EPB41L1: variants seen among roughly 807,000 people sequenced by gnomAD.
EPB41L1 encodes the protein band 4.1-like protein 1.
A neutral mutation model predicts 97.8 loss-of-function variants in EPB41L1; 29 were observed. That is an observed-to-expected ratio of 0.30 (90% CI 0.22 to 0.40). The LOEUF is 0.40. Among genes scored for constraint, EPB41L1 ranks in the 10% least tolerant of loss-of-function variants. The pLI is 1.00. For missense variants in EPB41L1, 812 were observed against 1,162.3 expected (o/e 0.70, Z 4.38); for synonymous variants, 383 against 459.2 (o/e 0.83, Z 2.12).
chr20:36,157,068 A>T (rs2060335279), intron 1 of EPB41L1, among the ~76,000 whole-genome samples: 1 of 152,208 alleles, frequency 6.6e-6, no homozygotes, highest in African/African-American at 2.4e-5. Flanking sequence ...TACTAAAAAT[A>T]CAAAAATTAG....
intron 2 of EPB41L1, among the ~76,000 whole-genome samples, chr20:36,122,518 C>T (rs1477207910): frequency 6.6e-6 from 1 of 152,242 alleles, no homozygotes. Context: ...CTACTCAGCT[C>T]TGGCACAGAG....
intron 14 of EPB41L1, among the ~76,000 whole-genome samples, chr20:36,208,839 C>T (rs1335898945): frequency 6.6e-6 from 1 of 152,196 alleles, no homozygotes; most frequent in Non-Finnish European, 1.5e-5. Context: ...TACTCCCTGA[C>T]TTGCCTGTGG....
intron 2 of EPB41L1, among the ~76,000 whole-genome samples, chr20:36,123,398 T>C (rs1260720221): frequency 3.3e-5 from 5 of 152,172 alleles, no homozygotes; most frequent in Non-Finnish European, 7.3e-5. Flanking sequence ...ACACATGTCT[T>C]CCAGATCACA....
intron 1 of EPB41L1, among the ~76,000 whole-genome samples, chr20:36,106,463 T>C (rs1019847786): frequency 2.0e-5 from 3 of 152,194 alleles, no homozygotes; most frequent in Admixed American, 1.3e-4. Context: ...GTGACTTACC[T>C]CTGTGAGCCA....
At chr20:36,159,495 G>A (rs998270912) in intron 1 of EPB41L1, among the ~76,000 whole-genome samples, 1 of 152,210 alleles carries the variant, frequency 6.6e-6, no homozygotes, top group Non-Finnish European at 1.5e-5. Flanking sequence ...AGGTGGGGCC[G>A]GGGCTAGATC....
At position 36,190,683 on chromosome 20, in the gene EPB41L1, A is replaced by G. The variant is rs202155923; in HGVS notation, c.1186A>G (p.Ser396Gly). 6.8e-5 allele frequency: 109 copies of G among 1,613,942 alleles called. No homozygotes were observed. The highest frequency in any genetic ancestry group is 9.0e-5 in the Non-Finnish European group (106 of 1,180,010). Residue 396 changes from serine (S) to glycine (G), a missense_variant, in exon 11 of 22, where the codon AGT becomes GGT. Physicochemically the swap from Ser to Gly is moderately conservative, Grantham distance 56. This residue lies in a region of EPB41L1 where 230 missense variants were observed against 445.2 expected (regional missense o/e 0.52). Coordinates refer to ENST00000338074, the MANE Select transcript of EPB41L1 (RefSeq NM_012156.2). This position sits in a 1 kb window ranked among gnomAD's most constrained non-coding sequence, Gnocchi z 5.8. ...GGTGATGGGCTCCAAGTTCCGGTAC[A>G]GTGGGAGGACCCAGGCACAGACTCG... Reference protein sequence around the residue: ...FLVMGSKFRYSGRTQAQTRQA... With the variant: ...FLVMGSKFRYGGRTQAQTRQA...
In EPB41L1 at chr20:36,209,536, C is replaced by T; in HGVS notation, c.1717C>T (p.Pro573Ser). The T allele has an allele frequency of 6.2e-7, 1 of 1,614,020 alleles. No individual in the cohort carries two copies. The highest frequency in any genetic ancestry group is 8.5e-7 in the Non-Finnish European group (1 of 1,179,980). ...GSEEKVKPPR[P>S]RAPESDTGDE... ...CGAGGAGAAAGTCAAACCACCACGT[C>T]CCCGGGCCCCAGAGAGTGACACAGG... The change falls in exon 15 of 22, where the codon CCC (proline) becomes TCC (serine). Residue 573 changes from proline to serine, a missense_variant. By Grantham distance (74) the Pro-to-Ser change is moderately conservative. Transcript: ENST00000338074. This position sits in a 1 kb window ranked among gnomAD's most constrained non-coding sequence, Gnocchi z 4.2.
At chr20:36,139,161 A>T (rs2059538700) in intron 2 of EPB41L1, among the ~76,000 whole-genome samples, 1 of 152,216 alleles carries the variant, frequency 6.6e-6, no homozygotes, top group Non-Finnish European at 1.5e-5. Context: ...CTGTACCCCC[A>T]GAGAGGCAGT....
intron 2 of EPB41L1, among the ~76,000 whole-genome samples, chr20:36,131,842 C>T (rs1032812968): frequency 9.9e-5 from 15 of 152,096 alleles, no homozygotes; most frequent in African/African-American, 2.9e-4. Context: ...TGGTTTATGG[C>T]GTAGGTGGCC....
chr20:36,197,864 A>C lies in EPB41L1; in HGVS notation c.1491A>C (p.Leu497Phe). 2 of 1,614,070 alleles carry C rather than the reference A, an allele frequency of 1.2e-6. No homozygotes were observed. Among genetic ancestry groups the C allele is most frequent in the Non-Finnish European group, 1.7e-6 (2 of 1,180,008 alleles). ...CCCTCTCCATCTATCCCTAGTTCTT[A>C]GACAAGCCAGAAGATGTCTTGCTGA... ...ETTPRHKQEF[L>F]DKPEDVLLKH... Residue 497 changes from leucine (L) to phenylalanine (F), a missense_variant, in exon 14 of 22, where the codon TTA (leucine) becomes TTC (phenylalanine). Physicochemically the swap from Leu to Phe is conservative, Grantham distance 22 (BLOSUM62 0). Around this residue, in one of 3 missense-constraint regions of EPB41L1, gnomAD observed 498 missense variants for 622.7 expected, o/e 0.80. Coordinates refer to ENST00000338074, the MANE Select transcript of EPB41L1 (RefSeq NM_012156.2).
intron 1 of EPB41L1, chr20:36,155,104 G>C (rs757671950): frequency 7.8e-6 from 4 of 515,038 alleles, no homozygotes; most frequent in South Asian, 6.1e-5. Flanking sequence ...AGGATCCGGA[G>C]GCTGGGGGTT....
chr20:36,206,958 G>A lies in EPB41L1; in HGVS notation c.1669-2530G>A, dbSNP rs1011286247. ...GGGCCATCCCTCTGAATGTCAGGAA[G>A]CCAGTCAAACCAGACAGAGGCAACT... is the stretch of plus-strand genomic sequence containing the variant. On this transcript the variant is annotated intron_variant, in intron 14 of 21. Transcript: ENST00000338074. This position sits in a 1 kb window ranked among gnomAD's most constrained non-coding sequence, Gnocchi z 5.5. The A allele has an allele frequency of 3.1e-6, 4 of 1,289,994 alleles. No individual in the cohort carries two copies. The highest frequency in any genetic ancestry group is 3.0e-6 in the Non-Finnish European group (3 of 988,904). 79.9% of individuals were successfully genotyped at this position (1,289,994 alleles called of 1,614,324 possible).
intron 2 of EPB41L1, among the ~76,000 whole-genome samples, chr20:36,130,210 G>A (rs1007256184): frequency 1.3e-5 from 2 of 151,714 alleles, no homozygotes; most frequent in Non-Finnish European, 2.9e-5. Flanking sequence ...CGAAAATGCT[G>A]GGATTACAGG....
At chr20:36,222,229 T>G (rs913411864) in intron 20 of EPB41L1, 49 bp from the exon 21 acceptor site, 1 of 1,508,706 alleles carries the variant, frequency 6.6e-7, no homozygotes, top group South Asian at 1.1e-5. Flanking sequence ...ACAGTCTCTC[T>G]CGTCTTGGAT....
intron 17 of EPB41L1, among the ~76,000 whole-genome samples, chr20:36,217,649 T>C (rs1242381712): frequency 6.6e-6 from 1 of 151,944 alleles, no homozygotes; most frequent in Non-Finnish European, 1.5e-5. Context: ...TTAGTGGCTG[T>C]TAAGGGGAAA....
chr20:36,214,286 G>A, intron 16 of EPB41L1, 71 bp from the exon 17 acceptor site: 9 of 1,266,642 alleles, frequency 7.1e-6, no homozygotes, highest in South Asian at 2.5e-5. Flanking sequence ...CTGGGAGGCC[G>A]TGAGCCCAGG....
intron 2 of EPB41L1, among the ~76,000 whole-genome samples, chr20:36,174,872 C>A (rs2061158734): frequency 6.6e-6 from 1 of 152,192 alleles, no homozygotes; most frequent in African/African-American, 2.4e-5. Flanking sequence ...AAATCTAGAT[C>A]TGATTTTGAA....
chr20:36,167,864 G>A (rs983958257), intron 1 of EPB41L1, among the ~76,000 whole-genome samples: 1 of 152,072 alleles, frequency 6.6e-6, no homozygotes, highest in Non-Finnish European at 1.5e-5. Context: ...GCAGGCTGGG[G>A]CAGCCCCTGG....
intron 1 of EPB41L1, among the ~76,000 whole-genome samples, chr20:36,157,702 G>A (rs1463536720): frequency 2.0e-5 from 3 of 152,182 alleles, no homozygotes; most frequent in Non-Finnish European, 4.4e-5. Flanking sequence ...CTGACTAGGA[G>A]CTCTCAGAGA....
Sources: gnomAD v4.1 joint callset for allele counts (sites outside exome capture counted in the v4.1 genomes callset) on GRCh38, gnomAD v4.1.1 for gene constraint, gnomAD v4.1.1 regional missense constraint, Gnocchi (gnomAD v3.1) non-coding constraint, MANE v1.5 for transcripts, NCBI Gene and HGNC (gene_info 2026-07-23, HGNC 2026-07-21) for gene names.